The following PTPRD variants were observed in gnomAD, a reference collection of about 807,000 sequenced individuals.
The protein encoded by PTPRD is protein tyrosine phosphatase receptor type D, also known as receptor-type tyrosine-protein phosphatase delta.
In PTPRD, 34 loss-of-function variants were observed where a neutral mutation model predicts 214.5. The observed-to-expected ratio is 0.16, with a 90% CI of 0.12 to 0.21. PTPRD has a LOEUF of 0.21. Among genes scored for constraint, PTPRD ranks in the 10% least tolerant of loss-of-function variants. PTPRD has a pLI of 1.00. For synonymous variants in PTPRD, 1,128 were observed against 845.7 expected, an observed-to-expected ratio of 1.33 and a Z score of -5.79; for missense variants, 2,545 against 2,398.7, an observed-to-expected ratio of 1.06 and a Z score of -1.27.
intron 11 of PTPRD, among the ~76,000 whole-genome samples, chr9:8,940,528 G>C (rs1008517972): frequency 3.5e-5 from 5 of 144,630 alleles, no homozygotes; most frequent in Non-Finnish European, 7.5e-5. Flanking sequence ...CCTGACCTCA[G>C]GTGATCCACC....
intron 30 of PTPRD, among the ~76,000 whole-genome samples, chr9:8,483,377 A>C (rs1193440642): frequency 6.6e-6 from 1 of 152,002 alleles, no homozygotes; most frequent in South Asian, 2.1e-4. Flanking sequence ...ACTTTGTAAG[A>C]CTTCTTCATA....
At chr9:9,914,669 G>A (rs2080187801) in intron 5 of PTPRD, among the ~76,000 whole-genome samples, 1 of 152,118 alleles carries the variant, frequency 6.6e-6, no homozygotes, top group Admixed American at 6.5e-5. Context: ...ACCCAGACCA[G>A]CCAAGAGAGC....
At chr9:8,745,451 C>T (rs186045402) in intron 11 of PTPRD, among the ~76,000 whole-genome samples, 4 of 152,168 alleles carry the variant, frequency 2.6e-5, no homozygotes, top group Middle Eastern at 3.4e-3. Flanking sequence ...ACCTTAAAGG[C>T]GGGGTATAGG....
intron 11 of PTPRD, among the ~76,000 whole-genome samples, chr9:8,918,667 G>A (rs1437700448): frequency 6.6e-6 from 1 of 152,020 alleles, no homozygotes; most frequent in African/African-American, 2.4e-5. Flanking sequence ...ATGCATAAAA[G>A]GTGCTTTTCC....
At chr9:9,263,081 C>G (rs763003574) in intron 9 of PTPRD, among the ~76,000 whole-genome samples, 2 of 151,544 alleles carry the variant, frequency 1.3e-5, no homozygotes, top group Non-Finnish European at 3.0e-5. Context: ...ATTAATTTAT[C>G]ATGAAATATA....
intron 5 of PTPRD, among the ~76,000 whole-genome samples, chr9:9,896,923 G>A (rs1216160936): frequency 6.6e-6 from 1 of 152,006 alleles, no homozygotes; most frequent in Non-Finnish European, 1.5e-5. Context: ...GTGAACGTGA[G>A]CAGATTTATA....
chr9:10,546,852 T>C (rs559166652), intron 2 of PTPRD, among the ~76,000 whole-genome samples: 11 of 152,126 alleles, frequency 7.2e-5, no homozygotes, highest in African/African-American at 2.6e-4. Flanking sequence ...TAGGGAAAAA[T>C]AGAAAATTCC....
intron 7 of PTPRD, among the ~76,000 whole-genome samples, chr9:9,681,169 T>C (rs1374800516): frequency 6.6e-6 from 1 of 151,870 alleles, no homozygotes; most frequent in Non-Finnish European, 1.5e-5. Context: ...GATACCTTCT[T>C]ATAAATAATG....
intron 10 of PTPRD, among the ~76,000 whole-genome samples, chr9:9,057,653 A>C (rs1044135738): frequency 6.6e-6 from 1 of 152,180 alleles, no homozygotes; most frequent in African/African-American, 2.4e-5. Flanking sequence ...CCACATAAAT[A>C]AGATATATGG....
intron 3 of PTPRD, among the ~76,000 whole-genome samples, chr9:10,117,284 C>T (rs764090050): frequency 6.6e-6 from 1 of 152,062 alleles, no homozygotes; most frequent in Non-Finnish European, 1.5e-5. Flanking sequence ...AAATGTAGAA[C>T]CTGAGAAGTT....
chr9:8,486,791 T>C (rs1018298149), intron 27 of PTPRD, among the ~76,000 whole-genome samples: 5 of 152,224 alleles, frequency 3.3e-5, no homozygotes, highest in African/African-American at 1.2e-4. Context: ...TATTCACAAT[T>C]GGTTTACATT....
At chr9:8,563,337 A>G (rs1489015695) in intron 14 of PTPRD, among the ~76,000 whole-genome samples, 3 of 152,166 alleles carry the variant, frequency 2.0e-5, no homozygotes, top group Non-Finnish European at 4.4e-5. Flanking sequence ...AGATATGTGC[A>G]GTTGATCACA....
At chr9:9,212,209 GT>G (rs1205048705) in intron 9 of PTPRD, among the ~76,000 whole-genome samples, 1 of 151,922 alleles carries the variant, frequency 6.6e-6, no homozygotes, top group East Asian at 1.9e-4. Flanking sequence ...GTTTTTCATT[GT>G]TTAAAATATT....
intron 4 of PTPRD, among the ~76,000 whole-genome samples, chr9:10,019,446 T>C (rs2096797612): frequency 6.6e-6 from 1 of 152,120 alleles, no homozygotes; most frequent in Non-Finnish European, 1.5e-5. Flanking sequence ...CAAAGGATTA[T>C]AAATCATGCT....
Position 9,257,295 on chromosome 9 carries a change from A to G in PTPRD, c.-202-73932T>C, listed in dbSNP as rs560739301. 2.6e-5 allele frequency among the ~76,000 whole-genome samples: 4 copies of G among 152,000 alleles called. No homozygotes were observed. In the East Asian group the frequency reaches 7.8e-4, roughly 30 times the overall value. The stretch of plus-strand genomic sequence containing the variant: ...TATGGCTAATGATTTTATAGATAGT[A>G]TGTATTTGTATTTACATTTTCCATA... On this transcript the variant is annotated intron_variant, in intron 9 of 45. Transcript: ENST00000381196.
chr9:9,453,024 T>TTA lies in PTPRD; in HGVS notation c.-236-55543_-236-55542insTA, dbSNP rs1555424228. ...CATTTAACTGAAGCCTATTTTATTT[T>TTA]TTTTTTTTGCTCCATATACATACTG... On this transcript the variant is annotated intron_variant, in intron 8 of 45. Coordinates refer to ENST00000381196, the MANE Select transcript of PTPRD (RefSeq NM_002839.4). Among the ~76,000 whole-genome samples, 7 of 150,664 alleles carry TTA rather than the reference T, an allele frequency of 4.6e-5. 1 individual carries two copies. Among genetic ancestry groups the TTA allele is most frequent in the Non-Finnish European group, 1.0e-4 (7 of 67,292 alleles).
chr9:8,627,629 C>G (rs1409180466), intron 14 of PTPRD, among the ~76,000 whole-genome samples: 1 of 151,802 alleles, frequency 6.6e-6, no homozygotes, highest in East Asian at 1.9e-4. Context: ...TGTGGCAAAA[C>G]AAGTAATAGT....
chr9:10,352,632 T>C (rs2097202130), intron 2 of PTPRD, among the ~76,000 whole-genome samples: 2 of 152,054 alleles, frequency 1.3e-5, no homozygotes, highest in South Asian at 4.1e-4. Context: ...GCATAGGTAA[T>C]TGAATGTATT....
At chr9:9,681,323 T>A (rs2382040) in intron 7 of PTPRD, among the ~76,000 whole-genome samples, 46,456 of 151,586 alleles carry the variant, frequency 0.31, 7,412 homozygotes, top group Admixed American at 0.45. Flanking sequence ...TGGACTCAAC[T>A]ATTATCTTGA....
Sources: gnomAD v4.1 joint callset for allele counts (sites outside exome capture counted in the v4.1 genomes callset) on GRCh38, gnomAD v4.1.1 for gene constraint, MANE v1.5 for transcripts, NCBI Gene and HGNC (gene_info 2026-07-23, HGNC 2026-07-21) for gene names.